The following URB1 variants were observed in gnomAD, a reference collection of about 807,000 sequenced individuals.
URB1 encodes the protein nucleolar pre-ribosomal-associated protein 1.
URB1 carries 197 observed loss-of-function variants against 242.3 expected under a neutral mutation model. The observed-to-expected ratio is 0.81, with a 90% CI of 0.72 to 0.91. The LOEUF (loss-of-function observed/expected upper bound fraction) is 0.91, where lower values mean the gene tolerates loss of function less well. URB1 is among the 40% of genes least tolerant of loss of function. URB1 has a pLI of 0.00. For synonymous variants in URB1, 1,153 were observed against 1,201.8 expected (o/e 0.96, Z 0.84); for missense variants, 2,721 against 2,860.5 (o/e 0.95, Z 1.11).
At chr21:32,343,881 T>TA (rs78964136) in intron 24 of URB1, among the ~76,000 whole-genome samples, 25,332 of 144,476 alleles carry the variant, frequency 0.18, 2,752 homozygotes, top group African/African-American at 0.32. Context: ...TTAAACCATG[T>TA]AAAAAAAAAA....
chr21:32,325,574 T>C (rs1310096213), intron 30 of URB1, among the ~76,000 whole-genome samples, 185 bp from the exon 31 acceptor site: 3 of 152,218 alleles, frequency 2.0e-5, no homozygotes, highest in Non-Finnish European at 4.4e-5. Context: ...TCTTCCTTTA[T>C]GTGGCAATAA....
intron 19 of URB1, among the ~76,000 whole-genome samples, chr21:32,351,613 C>T (rs1459543763): frequency 6.6e-6 from 1 of 152,168 alleles, no homozygotes; most frequent in Non-Finnish European, 1.5e-5. Flanking sequence ...CCAGACCTGC[C>T]GGGCCAGACA....
intron 30 of URB1, among the ~76,000 whole-genome samples, chr21:32,327,865 T>C (rs144010751): frequency 0.016 from 2,431 of 152,282 alleles, 25 homozygotes; most frequent in Non-Finnish European, 0.025. Flanking sequence ...AAAATATGCA[T>C]GCATGCACTC....
At chr21:32,364,690 A>C (rs367631747) in intron 10 of URB1, among the ~76,000 whole-genome samples, 9 of 152,248 alleles carry the variant, frequency 5.9e-5, no homozygotes, top group African/African-American at 2.2e-4. Flanking sequence ...CCCTGCTTCC[A>C]AACGCTTTCT....
chr21:32,378,367 T>C (rs1021022134), intron 5 of URB1, 78 bp downstream of exon 5: 21 of 1,357,226 alleles, frequency 1.5e-5, no homozygotes, highest in African/African-American at 8.7e-5. Flanking sequence ...CAGACTTTTT[T>C]TGAACTTGGA....
At chr21:32,341,823 CTT>C (rs1012006821) in intron 24 of URB1, among the ~76,000 whole-genome samples, 14 of 152,196 alleles carry the variant, frequency 9.2e-5, no homozygotes, top group African/African-American at 3.4e-4. Flanking sequence ...AGCAGTTACT[CTT>C]GTTTGCACAA....
intron 5 of URB1, 27 bp downstream of exon 5, chr21:32,378,418 T>C: frequency 6.5e-7 from 1 of 1,541,968 alleles, no homozygotes; most frequent in Non-Finnish European, 8.8e-7. Context: ...AAATGGGCTT[T>C]CCTAACGGAC....
intron 30 of URB1, among the ~76,000 whole-genome samples, chr21:32,329,239 C>A (rs1183679595): frequency 6.6e-6 from 1 of 152,180 alleles, no homozygotes; most frequent in African/African-American, 2.4e-5. Context: ...GCACTCCAAC[C>A]TAGGTGACAG....
intron 18 of URB1, among the ~76,000 whole-genome samples, chr21:32,353,671 G>A (rs544715624): frequency 1.6e-4 from 24 of 152,272 alleles, no homozygotes; most frequent in Admixed American, 1.4e-3. Flanking sequence ...CAACGTTACA[G>A]AGGCTGTCTG....
rs1309950422 is a variant in URB1, at chr21:32,372,650, A to C, written c.877-19T>G. The stretch of plus-strand genomic sequence containing the variant: ...CAGAAACCTATGAAGATTTTTTAAA[A>C]ATTCAATGAAAATCCCAAGCTCATA... On this transcript the variant is annotated intron_variant, in intron 7 of 38. Transcript: ENST00000382751. The C allele has an allele frequency of 6.5e-7, 1 of 1,543,210 alleles. No individual in the cohort carries two copies. Among genetic ancestry groups the C allele is most frequent in the Non-Finnish European group, 8.7e-7 (1 of 1,144,716 alleles).
At position 32,338,723 on chromosome 21, in the gene URB1, C is replaced by T. The variant is rs138566587; in HGVS notation, c.4494G>A (p.Pro1498=). ...TLLTSDGEES[P]DSQVKEALVD... ...AGGGGTCACCTTTTACTTGGCTGTC[C>T]GGGCTCTCCTCTCCGTCAGACGTCA... Residue 1498 remains proline, a synonymous_variant, in exon 26 of 39, where the codon CCG becomes CCA. Coordinates refer to ENST00000382751, the MANE Select transcript of URB1 (RefSeq NM_014825.3). The T allele has an allele frequency of 1.4e-3, 2,130 of 1,551,342 alleles. 18 individuals are homozygous for T. Among genetic ancestry groups the T allele is most frequent in the East Asian group, 5.9e-3 (243 of 40,906 alleles).
chr21:32,381,839 G>A (rs890049374), intron 4 of URB1, among the ~76,000 whole-genome samples: 2 of 152,178 alleles, frequency 1.3e-5, no homozygotes, highest in Admixed American at 6.5e-5. Context: ...GGGGACAGTG[G>A]CTGAAGCTGG....
intron 20 of URB1, 85 bp from the exon 21 acceptor site, chr21:32,349,568 G>A: frequency 1.4e-6 from 2 of 1,400,036 alleles, no homozygotes; most frequent in East Asian, 5.2e-5. Flanking sequence ...CGTGTTTTCA[G>A]AGCAGGAGAC....
intron 4 of URB1, among the ~76,000 whole-genome samples, chr21:32,379,454 G>A (rs1364515524): frequency 6.6e-6 from 1 of 152,202 alleles, no homozygotes; most frequent in Non-Finnish European, 1.5e-5. Context: ...AAAATGCCTG[G>A]GAAAATTAAG....
At chr21:32,357,115 A>G (rs1461656412) in intron 15 of URB1, among the ~76,000 whole-genome samples, 1 of 152,268 alleles carries the variant, frequency 6.6e-6, no homozygotes, top group Non-Finnish European at 1.5e-5. Context: ...ATCAAGGACA[A>G]AACAAGATAA....
intron 35 of URB1, 23 bp downstream of exon 35, chr21:32,320,508 C>T (rs1351310660): frequency 2.7e-6 from 4 of 1,504,104 alleles, no homozygotes; most frequent in South Asian, 2.4e-5. Context: ...CTGACGCGCA[C>T]CTCGCATGCA....
chr21:32,383,563 G>C lies in URB1; in HGVS notation c.435-9C>G. 8 of 1,548,866 alleles carry C rather than the reference G, an allele frequency of 5.2e-6. No individual in the cohort carries two copies. Among genetic ancestry groups the C allele is most frequent in the Non-Finnish European group, 7.0e-6 (8 of 1,145,974 alleles). ...GGCAGGCGCGAGCCAACCTGCACAG[G>C]GAACCAGAGGAAATCGGACACGTCA... On this transcript the variant is annotated splice_polypyrimidine_tract_variant and intron_variant, in intron 3 of 38. Coordinates refer to ENST00000382751, the MANE Select transcript of URB1 (RefSeq NM_014825.3).
At chr21:32,388,994 G>A (rs2033612027) in intron 1 of URB1, among the ~76,000 whole-genome samples, 1 of 152,192 alleles carries the variant, frequency 6.6e-6, no homozygotes, top group Non-Finnish European at 1.5e-5. Flanking sequence ...ACCAATGTGA[G>A]TATTTATTAA....
chr21:32,368,650 C>G, intron 8 of URB1, 52 bp from the exon 9 acceptor site: 2 of 1,460,152 alleles, frequency 1.4e-6, no homozygotes, highest in Non-Finnish European at 1.8e-6. Flanking sequence ...GTCAAAGCAC[C>G]CTGAGAGCTC....
Sources: gnomAD v4.1 joint callset for allele counts (sites outside exome capture counted in the v4.1 genomes callset) on GRCh38, gnomAD v4.1.1 for gene constraint, MANE v1.5 for transcripts, NCBI Gene and HGNC (gene_info 2026-07-23, HGNC 2026-07-21) for gene names.